Variants in PTPRK observed in about 807,000 individuals in gnomAD.
PTPRK encodes receptor-type tyrosine-protein phosphatase kappa.
Under a neutral mutation model 178.0 loss-of-function variants are expected in PTPRK, and 75 were observed. That is an observed-to-expected ratio of 0.42 (90% confidence interval 0.35 to 0.51). The LOEUF is 0.51. PTPRK is among the 20% of genes least tolerant of loss of function. The pLI is 0.02. For missense variants in PTPRK, 1,441 were observed against 1,797.8 expected (o/e 0.80, Z 3.59); for synonymous variants, 637 against 620.6 (o/e 1.03, Z -0.39).
chr6:128,406,206 T>C (rs1841633930), intron 1 of PTPRK, among the ~76,000 whole-genome samples: 2 of 151,938 alleles, frequency 1.3e-5, no homozygotes, highest in Admixed American at 1.3e-4. Context: ...TAAGCCATGA[T>C]CATACCACTG....
At chr6:128,307,477 CA>C (rs200283113) in intron 3 of PTPRK, among the ~76,000 whole-genome samples, 13,618 of 143,956 alleles carry the variant, frequency 0.095, 770 homozygotes, top group African/African-American at 0.16. Context: ...AAAAAAAAAT[CA>C]AAAAAAAATC....
chr6:128,482,713 C>G, intron 1 of PTPRK, among the ~76,000 whole-genome samples: 1 of 152,290 alleles, frequency 6.6e-6, no homozygotes, highest in South Asian at 2.1e-4. Context: ...ACCAACCAAA[C>G]AGCAAGGTGC....
chr6:128,025,813 C>A (rs2114777688), intron 13 of PTPRK, among the ~76,000 whole-genome samples: 1 of 152,282 alleles, frequency 6.6e-6, no homozygotes, highest in South Asian at 2.1e-4. Context: ...TCTCCTCTGT[C>A]AAATCTTCCT....
chr6:128,238,196 A>AAAAAAAG, intron 5 of PTPRK: 1 of 403,584 alleles, frequency 2.5e-6, no homozygotes. Flanking sequence ...AAAAAAAAAA[A>AAAAAAAG]AAAAAAGAAA....
intron 3 of PTPRK, among the ~76,000 whole-genome samples, chr6:128,276,083 T>C (rs973334224): frequency 2.0e-5 from 3 of 152,072 alleles, no homozygotes; most frequent in Non-Finnish European, 2.9e-5. Context: ...AAATATTAAG[T>C]GATTCACTAT....
chr6:128,404,530 G>T (rs1163772807), intron 1 of PTPRK, among the ~76,000 whole-genome samples: 2 of 152,162 alleles, frequency 1.3e-5, no homozygotes, highest in Non-Finnish European at 2.9e-5. Context: ...TTAAATACAG[G>T]TAACCGCATA....
rs548369127 is a variant in PTPRK, at chr6:128,485,611, A to C, written c.100+34648T>G. Among the ~76,000 whole-genome samples, 10 of 152,348 alleles carry C rather than the reference A, an allele frequency of 6.6e-5. No homozygotes were observed. The South Asian group carries it at 2.1e-3, about 32-fold the overall frequency. On this transcript the variant is annotated intron_variant, in intron 1 of 29. Coordinates refer to ENST00000368226, the MANE Select transcript of PTPRK (RefSeq NM_002844.4). ...CAAATAAAAGAAGACTATTTTGCAC[A>C]GTTGCTGTCCCCATGAGGAATGCTA...
At chr6:128,357,042 G>C (rs183210912) in intron 2 of PTPRK, among the ~76,000 whole-genome samples, 51 of 152,304 alleles carry the variant, frequency 3.3e-4, no homozygotes, top group Non-Finnish European at 6.2e-4. Flanking sequence ...GGAAGCCTAA[G>C]AGAGGTAGAA....
chr6:128,244,947 T>C (rs1815181514), intron 3 of PTPRK, among the ~76,000 whole-genome samples: 1 of 152,094 alleles, frequency 6.6e-6, no homozygotes, highest in Non-Finnish European at 1.5e-5. Context: ...AGCTCTTAGG[T>C]ATTTGGTAAA....
At chr6:127,977,854 T>C (rs1165820022) in intron 25 of PTPRK, among the ~76,000 whole-genome samples, 1 of 152,222 alleles carries the variant, frequency 6.6e-6, no homozygotes, top group African/African-American at 2.4e-5. Context: ...TTATCTGGAC[T>C]GGACAATTGC....
At chr6:128,493,001 G>A (rs1181585506) in intron 1 of PTPRK, among the ~76,000 whole-genome samples, 2 of 152,092 alleles carry the variant, frequency 1.3e-5, no homozygotes, top group Non-Finnish European at 2.9e-5. Context: ...GGTGTCCCAT[G>A]TGCCACCAAA....
At position 128,407,602 on chromosome 6, in the gene PTPRK, C is replaced by T. The variant is rs1368088614; in HGVS notation, c.101-9914G>A. Among the ~76,000 whole-genome samples the T allele has an allele frequency of 1.1e-4, 14 of 126,600 alleles. No homozygotes were observed. In the Admixed American group the frequency reaches 1.4e-3, roughly 12 times the overall value. The allele number at this position is 126,600 out of a possible 152,430, so 83.1% of individuals were successfully genotyped here. On this transcript the variant is annotated intron_variant, in intron 1 of 29. Coordinates refer to ENST00000368226, the MANE Select transcript of PTPRK (RefSeq NM_002844.4). ...TGCAGTGAGCTATTGTGCAACTGTA[C>T]TCCAGCCTGATGGACAGAGCAAGAC...
chr6:128,201,959 C>T (rs1205737010), intron 6 of PTPRK, among the ~76,000 whole-genome samples: 1 of 151,964 alleles, frequency 6.6e-6, no homozygotes, highest in Non-Finnish European at 1.5e-5. Flanking sequence ...AGTAGCAAGA[C>T]TAGTATTAAT....
At chr6:128,401,299 C>T (rs759132548) in intron 1 of PTPRK, among the ~76,000 whole-genome samples, 2 of 152,060 alleles carry the variant, frequency 1.3e-5, no homozygotes, top group African/African-American at 2.4e-5. Context: ...GTATTAGACA[C>T]CAAAAAGATT....
rs137970318 is a variant in PTPRK at position 128,425,066 on chromosome 6, C to T, written c.101-27378G>A. On this transcript the variant is annotated intron_variant, in intron 1 of 29. Coordinates refer to ENST00000368226, the MANE Select transcript of PTPRK (RefSeq NM_002844.4). ...CATCACCTAAGCAGTGTACACTGTA[C>T]CCAATGTGTAGTCTTTTTTTTTTTT... Among the ~76,000 whole-genome samples, 526 of 151,108 alleles carry T rather than the reference C, an allele frequency of 3.5e-3. 23 individuals are homozygous for T. The East Asian group carries it at 0.082, about 24-fold the overall frequency.
At chr6:128,138,296 T>G (rs1299141416) in intron 7 of PTPRK, among the ~76,000 whole-genome samples, 4 of 152,118 alleles carry the variant, frequency 2.6e-5, no homozygotes, top group Non-Finnish European at 5.9e-5. Context: ...TAAAATAGTT[T>G]TACAAACCAT....
chr6:128,258,115 A>G (rs544085593), intron 3 of PTPRK, among the ~76,000 whole-genome samples: 5 of 152,280 alleles, frequency 3.3e-5, no homozygotes, highest in African/African-American at 1.2e-4. Context: ...AAAGTGTCTG[A>G]GAATAAAATC....
At chr6:128,132,323 C>T (rs1022427674) in intron 7 of PTPRK, among the ~76,000 whole-genome samples, 32 of 152,246 alleles carry the variant, frequency 2.1e-4, no homozygotes, top group African/African-American at 7.2e-4. Context: ...TACAGGCACC[C>T]GCCACCTCGC....
chr6:128,499,886 T>A (rs1340798928), intron 1 of PTPRK, among the ~76,000 whole-genome samples: 6 of 152,254 alleles, frequency 3.9e-5, no homozygotes, highest in Non-Finnish European at 5.9e-5. Context: ...TGCTACCTAC[T>A]GAATTGAATT....
Sources: allele counts gnomAD v4.1 joint callset (sites outside exome capture counted in the v4.1 genomes callset), GRCh38; gene constraint gnomAD v4.1.1; transcripts MANE v1.5; gene names NCBI Gene and HGNC (gene_info 2026-07-23, HGNC 2026-07-21).